Variants in LTBP1 observed in about 807,000 individuals in gnomAD.
LTBP1 encodes latent-transforming growth factor beta-binding protein 1.
A neutral mutation model predicts 207.6 loss-of-function variants in LTBP1; 129 were observed. The ratio of observed to expected loss-of-function variants is 0.62; its 90% CI spans 0.54 to 0.72. LTBP1 has a LOEUF of 0.72. Among genes scored for constraint, LTBP1 ranks in the 30% least tolerant of loss-of-function variants. LTBP1 has a pLI of 0.00. For missense variants in LTBP1, 2,281 were observed against 2,217.2 expected, an observed-to-expected ratio of 1.03 and a Z score of -0.58; for synonymous variants, 963 against 833.7, an observed-to-expected ratio of 1.16 and a Z score of -2.67.
chr2:33,210,848 A>G (rs2090257321), intron 7 of LTBP1, among the ~76,000 whole-genome samples: 1 of 152,162 alleles, frequency 6.6e-6, no homozygotes. Context: ...CCATTGAGTC[A>G]CTTCCTTGTT....
At chr2:32,962,957 T>C (rs928530579) in intron 2 of LTBP1, among the ~76,000 whole-genome samples, 10 of 152,236 alleles carry the variant, frequency 6.6e-5, no homozygotes, top group African/African-American at 2.4e-4. Context: ...GCAGAACCCA[T>C]CTCCTCCTCC....
chr2:33,319,044 G>A (rs1285234750), intron 24 of LTBP1, among the ~76,000 whole-genome samples: 1 of 152,156 alleles, frequency 6.6e-6, no homozygotes, highest in Non-Finnish European at 1.5e-5. Flanking sequence ...AGGCTGCAGT[G>A]AGCTATGGTT....
At chr2:32,976,293 G>C (rs988032800) in intron 2 of LTBP1, among the ~76,000 whole-genome samples, 3 of 152,174 alleles carry the variant, frequency 2.0e-5, no homozygotes, top group African/African-American at 7.2e-5. Context: ...TCTGATGGGG[G>C]GTGCCAGCCA....
chr2:33,329,375 C>A (rs1164825032), intron 24 of LTBP1, among the ~76,000 whole-genome samples: 1 of 152,154 alleles, frequency 6.6e-6, no homozygotes, highest in Non-Finnish European at 1.5e-5. Context: ...TTAATGGCAA[C>A]TTCAGGTGAA....
At chr2:33,248,564 C>T (rs1485707248) in intron 10 of LTBP1, among the ~76,000 whole-genome samples, 1 of 150,096 alleles carries the variant, frequency 6.7e-6, no homozygotes, top group African/African-American at 2.5e-5. Flanking sequence ...ATTATTGTTT[C>T]TTTTATTTTG....
chr2:33,243,129 A>G (rs2092392841), intron 9 of LTBP1, among the ~76,000 whole-genome samples: 2 of 152,124 alleles, frequency 1.3e-5, no homozygotes. Flanking sequence ...TCAGCACTCT[A>G]AAGCCTTACC....
chr2:32,997,826 A>G (rs1251911181), intron 2 of LTBP1, among the ~76,000 whole-genome samples: 1 of 152,208 alleles, frequency 6.6e-6, no homozygotes, highest in Non-Finnish European at 1.5e-5. Context: ...CATTTCGACC[A>G]TAGCAGGAGC....
chr2:32,953,701 G>A (rs990444251), intron 2 of LTBP1, among the ~76,000 whole-genome samples: 1 of 152,146 alleles, frequency 6.6e-6, no homozygotes, highest in Non-Finnish European at 1.5e-5. Flanking sequence ...AGTTTTTGCT[G>A]CCCAGTGAAC....
intron 7 of LTBP1, among the ~76,000 whole-genome samples, chr2:33,211,445 C>G (rs1403841572): frequency 6.6e-6 from 1 of 152,202 alleles, no homozygotes; most frequent in East Asian, 1.9e-4. Context: ...GTCCCAGTAT[C>G]TGGGATTGGA....
At chr2:33,026,568 T>A (rs1432218517) in intron 3 of LTBP1, among the ~76,000 whole-genome samples, 1 of 152,202 alleles carries the variant, frequency 6.6e-6, no homozygotes, top group Non-Finnish European at 1.5e-5. Flanking sequence ...CCATTCCTTA[T>A]GGTATGTGGT....
rs115230201 is a variant in LTBP1, at chr2:33,167,553, T to C, written c.1202-19303T>C. 5.3e-3 allele frequency among the ~76,000 whole-genome samples: 809 copies of C among 152,316 alleles called. 4 individuals are homozygous for C. Among genetic ancestry groups the C allele is most frequent in the Middle Eastern group, 0.027 (8 of 292 alleles). On this transcript the variant is annotated intron_variant, in intron 5 of 33. Coordinates refer to ENST00000404816, the MANE Select transcript of LTBP1 (RefSeq NM_206943.4). ...TTCTGTCTGTCCTGCACACAAGCAT[T>C]TGTTGCTTTAAGAGCATGTGGCAGG...
intron 5 of LTBP1, among the ~76,000 whole-genome samples, chr2:33,145,434 A>T (rs2082949312): frequency 6.6e-6 from 1 of 152,340 alleles, no homozygotes; most frequent in South Asian, 2.1e-4. Context: ...TAGAAGAGGT[A>T]AAAGGAAAAC....
chr2:33,136,271 C>T (rs1418110939), intron 5 of LTBP1, among the ~76,000 whole-genome samples: 2 of 152,186 alleles, frequency 1.3e-5, no homozygotes, highest in Non-Finnish European at 2.9e-5. Flanking sequence ...GGCAGGGAGC[C>T]AAGTCTAATG....
intron 19 of LTBP1, among the ~76,000 whole-genome samples, chr2:33,283,957 T>G (rs931724308): frequency 2.6e-5 from 4 of 152,248 alleles, no homozygotes; most frequent in Non-Finnish European, 4.4e-5. Flanking sequence ...AAATTTCACA[T>G]TATGCTTATA....
rs1676313667 is a variant in LTBP1 at position 32,947,290 on chromosome 2, CCGCGCGCG to C, written c.-34_-27del. On this transcript the variant is annotated 5_prime_UTR_variant, in exon 1 of 34. Coordinates refer to ENST00000404816, the MANE Select transcript of LTBP1 (RefSeq NM_206943.4). ...CGCACGGCCGGGGGAGGGGGCCGGACCGCGCGCGACCGGTCGCGCCCGCTGGGGCCCGC... is the reference window on the plus strand; with the variant it reads ...CGCACGGCCGGGGGAGGGGGCCGGACACCGGTCGCGCCCGCTGGGGCCCGC... The C allele has an allele frequency of 8.2e-7, 1 of 1,214,342 alleles. No individual in the cohort carries two copies. The highest frequency in any genetic ancestry group is 3.4e-5 in the East Asian group (1 of 29,642). 75.2% of individuals were successfully genotyped at this position (1,214,342 alleles called of 1,614,324 possible).
intron 2 of LTBP1, among the ~76,000 whole-genome samples, chr2:32,993,231 G>A (rs1297487977): frequency 6.6e-6 from 1 of 151,958 alleles, no homozygotes; most frequent in African/African-American, 2.4e-5. Context: ...CTTTGGCGTG[G>A]GTATGTGGAA....
intron 6 of LTBP1, among the ~76,000 whole-genome samples, chr2:33,188,033 A>G (rs2087389907): frequency 6.6e-6 from 1 of 152,234 alleles, no homozygotes; most frequent in Non-Finnish European, 1.5e-5. Context: ...TCATGAATGT[A>G]TTACTGTTAA....
chr2:32,954,695 G>T, intron 2 of LTBP1, among the ~76,000 whole-genome samples: 1 of 151,616 alleles, frequency 6.6e-6, no homozygotes, highest in African/African-American at 2.4e-5. Context: ...AATTCATGAT[G>T]TAAGCCTGCA....
At chr2:33,304,232 A>G (rs1296949945) in intron 22 of LTBP1, among the ~76,000 whole-genome samples, 1 of 152,202 alleles carries the variant, frequency 6.6e-6, no homozygotes, top group African/African-American at 2.4e-5. Flanking sequence ...TATAAATAGG[A>G]CTGGAGTCCA....
Sources: gnomAD v4.1 joint callset for allele counts (sites outside exome capture counted in the v4.1 genomes callset) on GRCh38, gnomAD v4.1.1 for gene constraint, MANE v1.5 for transcripts, NCBI Gene and HGNC (gene_info 2026-07-23, HGNC 2026-07-21) for gene names.